The following ANKS1B variants were observed in gnomAD, a reference collection of about 807,000 sequenced individuals.
ANKS1B encodes the protein ankyrin repeat and sterile alpha motif domain containing 1B.
A neutral mutation model predicts 148.3 loss-of-function variants in ANKS1B; 36 were observed. The observed-to-expected ratio is 0.24, with a 90% confidence interval of 0.19 to 0.32. The LOEUF is 0.32. Among genes scored for constraint, ANKS1B ranks in the 10% least tolerant of loss-of-function variants. ANKS1B has a pLI of 1.00. For synonymous variants in ANKS1B, 542 were observed against 560.8 expected, an observed-to-expected ratio of 0.97 and a Z score of 0.47; for missense variants, 1,157 against 1,542.6, an observed-to-expected ratio of 0.75 and a Z score of 4.19.
At chr12:99,819,779 T>C (rs992033886) in intron 2 of ANKS1B, among the ~76,000 whole-genome samples, 1 of 151,218 alleles carries the variant, frequency 6.6e-6, no homozygotes, top group African/African-American at 2.4e-5. Flanking sequence ...AAAGATAAGA[T>C]TATTACTAAA....
At chr12:99,700,365 G>C (rs976141905) in intron 8 of ANKS1B, among the ~76,000 whole-genome samples, 8 of 152,138 alleles carry the variant, frequency 5.3e-5, no homozygotes, top group African/African-American at 1.7e-4. Flanking sequence ...ACTGAGGATA[G>C]TACCCAATCC....
chr12:99,515,763 T>G (rs897982432), intron 9 of ANKS1B, among the ~76,000 whole-genome samples: 2 of 151,704 alleles, frequency 1.3e-5, no homozygotes, highest in Non-Finnish European at 3.0e-5. Flanking sequence ...CAAACTGTTC[T>G]CCTCACATTC....
chr12:99,981,303 T>C (rs3912821), intron 1 of ANKS1B, among the ~76,000 whole-genome samples: 2,634 of 152,180 alleles, frequency 0.017, 79 homozygotes, highest in African/African-American at 0.06. Context: ...AATGGCATTC[T>C]TACATTTGCT....
intron 17 of ANKS1B, among the ~76,000 whole-genome samples, chr12:99,046,453 G>A (rs7955942): frequency 0.57 from 85,888 of 151,974 alleles, 25,191 homozygotes; most frequent in East Asian, 0.74. Context: ...TATTCCATAT[G>A]TTCCACAAGT....
chr12:99,967,123 A>T (rs904989773), intron 1 of ANKS1B, among the ~76,000 whole-genome samples: 1 of 152,218 alleles, frequency 6.6e-6, no homozygotes, highest in African/African-American at 2.4e-5. Context: ...CTCATGAAAT[A>T]TATAATTATG....
chr12:99,212,196 T>C (rs1395603481), intron 14 of ANKS1B, among the ~76,000 whole-genome samples: 1 of 152,206 alleles, frequency 6.6e-6, no homozygotes, highest in Non-Finnish European at 1.5e-5. Context: ...GCCCCAAACC[T>C]TCACTAGGGT....
intron 25 of ANKS1B, among the ~76,000 whole-genome samples, chr12:98,760,915 T>C (rs1157777128): frequency 6.6e-6 from 1 of 152,192 alleles, no homozygotes; most frequent in Non-Finnish European, 1.5e-5. Context: ...TTGAACTGTA[T>C]TTTATTTCCT....
chr12:99,460,720 T>C (rs1055051322), intron 10 of ANKS1B, among the ~76,000 whole-genome samples: 1 of 139,350 alleles, frequency 7.2e-6, no homozygotes, highest in Non-Finnish European at 1.5e-5. Context: ...CCTGCAAGAA[T>C]GGCCATAATA....
rs770364713 is a variant in ANKS1B at position 99,400,367 on chromosome 12, A to C, written c.1576-556T>G. 3.4e-4 allele frequency among the ~76,000 whole-genome samples: 49 copies of C among 146,176 alleles called. 5 individuals carry two copies. Among genetic ancestry groups the C allele is most frequent in the Non-Finnish European group, 7.1e-4 (47 of 66,114 alleles). On this transcript the variant is annotated intron_variant, in intron 11 of 26. Transcript: ENST00000683438. ...ATGGAACATTTTCTAAGATCTAAGAATATGCTTGGTATTTTTAGTGAACTT... is the reference window on the plus strand; with the variant it reads ...ATGGAACATTTTCTAAGATCTAAGACTATGCTTGGTATTTTTAGTGAACTT...
intron 9 of ANKS1B, among the ~76,000 whole-genome samples, chr12:99,591,962 T>C (rs2097707323): frequency 6.6e-6 from 1 of 152,220 alleles, no homozygotes. Context: ...AGACAATGTT[T>C]CAGCTTCTAT....
At chr12:99,411,214 C>T (rs1245899253) in intron 11 of ANKS1B, among the ~76,000 whole-genome samples, 1 of 152,220 alleles carries the variant, frequency 6.6e-6, no homozygotes, top group Admixed American at 6.5e-5. Context: ...GTTGGGGGAG[C>T]TGCTAGAGTC....
At position 99,442,319 on chromosome 12, in the gene ANKS1B, T is replaced by G. The variant is rs374620552; in HGVS notation, c.1575+1354A>C. ...AGCTAGGATTACAACCGTGTGCCAC[T>G]GTGCCTGGCAGAAGACGACATTTTT... On this transcript the variant is annotated intron_variant, in intron 11 of 26. Coordinates refer to ENST00000683438, the MANE Select transcript of ANKS1B (RefSeq NM_001352186.2). Among the ~76,000 whole-genome samples, 21 of 151,986 alleles carry G rather than the reference T, an allele frequency of 1.4e-4. 1 individual carries two copies. The highest frequency in any genetic ancestry group is 3.9e-4 in the East Asian group (2 of 5,146).
At chr12:99,698,024 T>C (rs1219407010) in intron 8 of ANKS1B, among the ~76,000 whole-genome samples, 5 of 152,002 alleles carry the variant, frequency 3.3e-5, no homozygotes, top group Non-Finnish European at 7.4e-5. Context: ...AGATTACCTA[T>C]ATGGGGTGGG....
intron 12 of ANKS1B, among the ~76,000 whole-genome samples, chr12:99,395,311 C>T (rs576967556): frequency 3.9e-5 from 6 of 152,274 alleles, no homozygotes; most frequent in African/African-American, 2.4e-5. Context: ...AGAAAAATCA[C>T]TCTGGGTTAA....
In ANKS1B at chr12:98,894,864, C is replaced by G. The variant is rs945868032; in HGVS notation, c.2779-62728G>C. On this transcript the variant is annotated intron_variant, in intron 17 of 26. Transcript: ENST00000683438. ...TGCGCCGAGCGCCGGGCTCTCCCCG[C>G]GAGCTCCCCGGGCCCGCGCGCGCGC... 3 of 979,566 alleles carry G rather than the reference C, an allele frequency of 3.1e-6. No homozygotes were observed. The African/African-American group carries it at 5.3e-5, about 17-fold the overall frequency. 60.7% of individuals were successfully genotyped at this position (979,566 alleles called of 1,614,324 possible). A position where few individuals can be genotyped will look rare whatever the true frequency, so the allele number is the denominator to read the frequency against.
At chr12:98,825,259 T>C (rs541933031) in intron 19 of ANKS1B, among the ~76,000 whole-genome samples, 1 of 152,208 alleles carries the variant, frequency 6.6e-6, no homozygotes, top group South Asian at 2.1e-4. Context: ...TTTAATAATA[T>C]CAAAACAACA....
intron 9 of ANKS1B, among the ~76,000 whole-genome samples, chr12:99,604,517 TA>T (rs1038301665): frequency 6.6e-6 from 1 of 151,874 alleles, no homozygotes; most frequent in Non-Finnish European, 1.5e-5. Context: ...AAAATGACAA[TA>T]AAAAATGTTT....
intron 9 of ANKS1B, among the ~76,000 whole-genome samples, chr12:99,623,849 A>G (rs975992024): frequency 8.5e-5 from 13 of 152,114 alleles, no homozygotes; most frequent in Non-Finnish European, 1.8e-4. Flanking sequence ...CTACATTTTC[A>G]ACGTGATTTC....
At chr12:98,975,445 C>T (rs2099893219) in intron 17 of ANKS1B, among the ~76,000 whole-genome samples, 1 of 151,624 alleles carries the variant, frequency 6.6e-6, no homozygotes. Flanking sequence ...TCTTGCCTTC[C>T]TGCCTTGCAG....
Sources: allele counts gnomAD v4.1 joint callset (sites outside exome capture counted in the v4.1 genomes callset), GRCh38; gene constraint gnomAD v4.1.1; transcripts MANE v1.5; gene names NCBI Gene and HGNC (gene_info 2026-07-23, HGNC 2026-07-21).